NRXN1: variants seen among roughly 807,000 people sequenced by gnomAD.
NRXN1 encodes the protein neurexin-1.
In NRXN1, 39 loss-of-function variants were observed where a neutral mutation model predicts 150.9. The ratio of observed to expected loss-of-function variants is 0.26; its 90% confidence interval spans 0.20 to 0.34. The LOEUF (loss-of-function observed/expected upper bound fraction) is 0.34. Ranked by LOEUF, NRXN1 falls within the 10% of genes least tolerant of loss-of-function variation. The pLI, the probability that NRXN1 is intolerant of heterozygous loss-of-function variation, is 1.00. For missense variants in NRXN1, 1,815 were observed against 1,949.9 expected, an observed-to-expected ratio of 0.93 and a Z score of 1.30; for synonymous variants, 924 against 757.0, an observed-to-expected ratio of 1.22 and a Z score of -3.62.
chr2:50,175,139 C>T (rs2060272525), intron 18 of NRXN1: 1 of 152,146 alleles, frequency 6.6e-6, no homozygotes, highest in African/African-American at 2.4e-5. Context: ...GCCCTTTCCA[C>T]TTCACTCCTT....
In NRXN1 at chr2:50,100,216, T is replaced by G. The variant is rs145564084; in HGVS notation, c.3547-8722A>C. On this transcript the variant is annotated intron_variant, in intron 18 of 22. Transcript: ENST00000401669. Reference sequence around the variant, plus strand: ...AATCTGTGAAGCCTTTTGTGAACCATGTATGTTTCTTCCCAAGAAAGTATA... The same window carrying G: ...AATCTGTGAAGCCTTTTGTGAACCAGGTATGTTTCTTCCCAAGAAAGTATA... Among the ~76,000 whole-genome samples, 912 of 152,282 alleles carry G rather than the reference T, an allele frequency of 6.0e-3. 10 individuals carry two copies. Among genetic ancestry groups the G allele is most frequent in the African/African-American group, 0.021 (872 of 41,580 alleles).
chr2:50,681,402 T>C (rs1313861267), intron 5 of NRXN1, among the ~76,000 whole-genome samples: 3 of 152,180 alleles, frequency 2.0e-5, no homozygotes, highest in Middle Eastern at 3.2e-3. Flanking sequence ...ATCTGTGTCT[T>C]ATGCTTCTAT....
chr2:50,379,246 T>G (rs935002049), intron 17 of NRXN1, among the ~76,000 whole-genome samples: 1 of 152,132 alleles, frequency 6.6e-6, no homozygotes, highest in Non-Finnish European at 1.5e-5. Context: ...GTTTCACACA[T>G]TGAGTGACCC....
chr2:50,077,951 C>A (rs1268452161), intron 19 of NRXN1, among the ~76,000 whole-genome samples: 1 of 151,866 alleles, frequency 6.6e-6, no homozygotes, highest in Non-Finnish European at 1.5e-5. Flanking sequence ...ATTCATAAAG[C>A]TAAAAACAAA....
intron 18 of NRXN1, among the ~76,000 whole-genome samples, chr2:50,205,272 A>T (rs73930311): frequency 2.7e-4 from 41 of 152,190 alleles, no homozygotes; most frequent in Non-Finnish European, 4.1e-4. Context: ...AAATGAGTAT[A>T]TGTGCTGTAG....
chr2:50,737,743 G>A (rs1419671210), intron 5 of NRXN1, among the ~76,000 whole-genome samples: 3 of 152,016 alleles, frequency 2.0e-5, no homozygotes, highest in Non-Finnish European at 4.4e-5. Context: ...TAAAATCACA[G>A]CATTAACTAT....
At chr2:50,475,529 T>C (rs894150303) in intron 15 of NRXN1, among the ~76,000 whole-genome samples, 3 of 152,150 alleles carry the variant, frequency 2.0e-5, no homozygotes, top group South Asian at 2.1e-4. Context: ...CTGACAACAT[T>C]GTAAAGCTTA....
chr2:50,829,911 C>T (rs1671148247), intron 5 of NRXN1, among the ~76,000 whole-genome samples: 2 of 148,354 alleles, frequency 1.3e-5, no homozygotes, highest in Admixed American at 1.4e-4. Context: ...GTCTTCTCAG[C>T]CTGCCCTTAG....
At chr2:50,460,911 C>G (rs1393306186) in intron 17 of NRXN1, among the ~76,000 whole-genome samples, 1 of 151,962 alleles carries the variant, frequency 6.6e-6, no homozygotes, top group African/African-American at 2.4e-5. Flanking sequence ...TAGCTACTTG[C>G]TAAATTTTAT....
At chr2:50,090,025 CCTA>C (rs1468018197) in intron 19 of NRXN1, among the ~76,000 whole-genome samples, 2 of 152,120 alleles carry the variant, frequency 1.3e-5, no homozygotes, top group African/African-American at 4.8e-5. Context: ...TTACTGAATG[CCTA>C]CTATTTGCCA....
At chr2:50,876,022 C>G (rs1425856358) in intron 5 of NRXN1, among the ~76,000 whole-genome samples, 3 of 151,852 alleles carry the variant, frequency 2.0e-5, no homozygotes, top group African/African-American at 7.2e-5. Flanking sequence ...AGCCTCACTC[C>G]TGACAGGGAT....
In NRXN1 at chr2:50,761,923, T is replaced by C. The variant is rs182247109; in HGVS notation, c.833-138308A>G. On this transcript the variant is annotated intron_variant, in intron 5 of 22. Coordinates refer to ENST00000401669, the MANE Select transcript of NRXN1 (RefSeq NM_001330078.2). ...TCTTCAGCTTTTGGACTCTTGGACCTACATCATTGGTTTGCCAAGGGCTCT... is the reference window on the plus strand; with the variant it reads ...TCTTCAGCTTTTGGACTCTTGGACCCACATCATTGGTTTGCCAAGGGCTCT... 4.1e-4 allele frequency among the ~76,000 whole-genome samples: 62 copies of C among 151,984 alleles called. 1 individual carries two copies. In the East Asian group the frequency reaches 9.6e-3, roughly 23 times the overall value.
chr2:50,799,626 A>G (rs1292341092), intron 5 of NRXN1, among the ~76,000 whole-genome samples: 1 of 152,206 alleles, frequency 6.6e-6, no homozygotes. Context: ...ACAGTATTCA[A>G]TAAATTACAT....
At chr2:50,381,572 C>CACACACAG (rs1250727282) in intron 17 of NRXN1, among the ~76,000 whole-genome samples, 2 of 135,336 alleles carry the variant, frequency 1.5e-5, no homozygotes, top group African/African-American at 5.8e-5. Flanking sequence ...CACACACACA[C>CACACACAG]AATCTGCTTT....
chr2:50,498,780 G>A (rs1365216766), intron 13 of NRXN1, among the ~76,000 whole-genome samples: 1 of 152,106 alleles, frequency 6.6e-6, no homozygotes, highest in African/African-American at 2.4e-5. Context: ...CCAACATCTT[G>A]CTCTTGTCTA....
chr2:50,596,576 G>A (rs1558993102), intron 8 of NRXN1, among the ~76,000 whole-genome samples: 5 of 152,300 alleles, frequency 3.3e-5, no homozygotes, highest in Admixed American at 3.3e-4. Context: ...ATTCCACTGT[G>A]TCTAGACAGT....
chr2:50,597,661 C>A (rs971376982), intron 8 of NRXN1, among the ~76,000 whole-genome samples: 1 of 152,196 alleles, frequency 6.6e-6, no homozygotes, highest in Admixed American at 6.5e-5. Context: ...GTTCTGCATT[C>A]CTCTTTAACT....
At chr2:50,961,471 T>C (rs1693186432) in intron 2 of NRXN1, among the ~76,000 whole-genome samples, 1 of 151,784 alleles carries the variant, frequency 6.6e-6, no homozygotes, top group African/African-American at 2.4e-5. Flanking sequence ...TAGATGTTGA[T>C]CTAATCATAT....
chr2:50,786,784 A>G (rs1705183212), intron 5 of NRXN1, among the ~76,000 whole-genome samples: 1 of 152,158 alleles, frequency 6.6e-6, no homozygotes, highest in Non-Finnish European at 1.5e-5. Flanking sequence ...TATACTGATT[A>G]ATGCCCGCAT....
Sources: allele counts gnomAD v4.1 joint callset (sites outside exome capture counted in the v4.1 genomes callset), GRCh38; gene constraint gnomAD v4.1.1; transcripts MANE v1.5; gene names NCBI Gene and HGNC (gene_info 2026-07-23, HGNC 2026-07-21).